ZNF616: variants seen among roughly 807,000 people sequenced by gnomAD.
The protein encoded by ZNF616 is zinc finger protein 616.
ZNF616 carries 5 observed loss-of-function variants against 7.6 expected under a neutral mutation model. That is an observed-to-expected ratio of 0.66 (90% CI 0.34 to 1.38). ZNF616 has a LOEUF of 1.38. ZNF616 is among the 40% of genes most tolerant of loss of function. The pLI, the probability that ZNF616 is intolerant of heterozygous loss-of-function variation, is 0.04. For synonymous variants in ZNF616, 319 were observed against 317.2 expected, an observed-to-expected ratio of 1.01 and a Z score of -0.06; for missense variants, 913 against 948.3, an observed-to-expected ratio of 0.96 and a Z score of 0.49.
At chr19:52,129,106 C>T (rs2088935594) in intron 2 of ZNF616, among the ~76,000 whole-genome samples, 1 of 151,708 alleles carries the variant, frequency 6.6e-6, no homozygotes, top group African/African-American at 2.4e-5. Context: ...AACCCCCCAC[C>T]ATCTCCACTA....
chr19:52,135,651 C>G (rs1215606620), intron 1 of ZNF616, among the ~76,000 whole-genome samples: 1 of 152,158 alleles, frequency 6.6e-6, no homozygotes, highest in South Asian at 2.1e-4. Flanking sequence ...GGACTTGCTC[C>G]TCAATTCAGC....
chr19:52,121,389 A>G (rs10406099), intron 3 of ZNF616, among the ~76,000 whole-genome samples: 1 of 152,016 alleles, frequency 6.6e-6, no homozygotes, highest in Non-Finnish European at 1.5e-5. Flanking sequence ...AGAATATCAA[A>G]AAATATGTGG....
chr19:52,119,738 C>T (rs1180089777), intron 3 of ZNF616, among the ~76,000 whole-genome samples: 3 of 152,120 alleles, frequency 2.0e-5, no homozygotes, highest in Non-Finnish European at 4.4e-5. Context: ...GTGAATTATA[C>T]TATGGGCACA....
intron 1 of ZNF616, among the ~76,000 whole-genome samples, chr19:52,136,145 G>C (rs965809142): frequency 1.2e-5 from 1 of 80,130 alleles, no homozygotes; most frequent in Non-Finnish European, 2.4e-5. Context: ...AAAAAAAAGC[G>C]GGGGGGGGAC....
In ZNF616 at chr19:52,115,080, C is replaced by A. The variant is rs1429178688; in HGVS notation, c.2084G>T (p.Gly695Val). ...GKKPYKCDEC[G>V]KVFRHSSHLV... ...ATGTGAACTATGCCTGAATACCTTGCCACATTCATCACATTTATATGGTTT... is the reference window on the plus strand; with the variant it reads ...ATGTGAACTATGCCTGAATACCTTGACACATTCATCACATTTATATGGTTT... Residue 695 changes from glycine to valine, a missense_variant, in exon 4 of 4, where the codon GGC becomes GTC. By Grantham distance (109) the Gly-to-Val change is moderately radical (BLOSUM62 -3). Transcript: ENST00000600228. 17 of 1,614,014 alleles carry A rather than the reference C, an allele frequency of 1.1e-5. No individual in the cohort carries two copies. Among genetic ancestry groups the A allele is most frequent in the Non-Finnish European group, 1.4e-5 (17 of 1,180,024 alleles).
Position 52,116,467 on chromosome 19 carries a change from C to G in ZNF616, c.697G>C (p.Val233Leu). The change falls in exon 4 of 4, where the codon GTA becomes CTA. Residue 233 changes from valine (V) to leucine (L), a missense_variant. Val to Leu is a conservative substitution (Grantham distance 32). Transcript: ENST00000600228. ...TATGATTTCCCTCTTGTATGGACTA[C>G]CTTGTGTACAGTTAGTAGTGAGGCC... is the stretch of plus-strand genomic sequence containing the variant. Reference protein sequence around the residue: ...HRASLLTVHKVVHTRGKSYQC... With the variant: ...HRASLLTVHKLVHTRGKSYQC... The G allele has an allele frequency of 6.2e-7, 1 of 1,614,054 alleles. No homozygotes were observed. Among genetic ancestry groups the G allele is most frequent in the Non-Finnish European group, 8.5e-7 (1 of 1,180,004 alleles).
rs111280157 is a variant in ZNF616 at position 52,114,532 on chromosome 19, C to T, written c.*286G>A. ...TCATGGTGGAAGGCAAAGCGGGTGT[C>T]GGTATTTCACATGGTGAGAATGAGG... On this transcript the variant is annotated 3_prime_UTR_variant, in exon 4 of 4. Transcript: ENST00000600228. 175 of 291,786 alleles carry T rather than the reference C, an allele frequency of 6.0e-4. No individual in the cohort carries two copies. The highest frequency in any genetic ancestry group is 3.3e-3 in the African/African-American group (150 of 46,080). 18.1% of individuals were successfully genotyped at this position (291,786 alleles called of 1,614,324 possible).
intron 3 of ZNF616, among the ~76,000 whole-genome samples, chr19:52,123,489 G>A (rs899909713): frequency 1.3e-5 from 2 of 152,050 alleles, no homozygotes; most frequent in Admixed American, 6.6e-5. Context: ...GTCTCTACAC[G>A]GGCATGGTGG....
At chr19:52,133,478 G>A (rs937718177) in intron 1 of ZNF616, among the ~76,000 whole-genome samples, 6 of 152,074 alleles carry the variant, frequency 3.9e-5, no homozygotes, top group African/African-American at 1.4e-4. Context: ...ACAGGTAAAC[G>A]GGTCATGGGG....
rs140608196 is a variant in ZNF616 at position 52,128,156 on chromosome 19, C to T, written c.12+2345G>A. ...GTGCAATGGTGTCCTCATACACCAACGACACATATTGGGTGGATTTCCCAC... is the reference window on the plus strand; with the variant it reads ...GTGCAATGGTGTCCTCATACACCAATGACACATATTGGGTGGATTTCCCAC... On this transcript the variant is annotated intron_variant, in intron 2 of 3. Transcript: ENST00000600228. Among the ~76,000 whole-genome samples, 739 of 145,106 alleles carry T rather than the reference C, an allele frequency of 5.1e-3. 8 individuals are homozygous for T. Among genetic ancestry groups the T allele is most frequent in the African/African-American group, 0.018 (710 of 38,718 alleles).
Position 52,115,370 on chromosome 19 carries a change from A to T in ZNF616, c.1794T>A (p.Val598=). Residue 598 remains valine (V), a synonymous_variant, in exon 4 of 4, where the codon GTT becomes GTA. Transcript: ENST00000600228. ...ATTTGTATGGTTTCTCTCCAGTATG[A>T]ACTCTTCGATGCCCTACAAGATGTG... is the stretch of plus-strand genomic sequence containing the variant. ...QYSHLVGHRR[V]HTGEKPYKCH... is the part of the protein sequence containing the mutation. The T allele has an allele frequency of 6.2e-7, 1 of 1,614,112 alleles. No individual in the cohort carries two copies.
chr19:52,129,081 T>G (rs2088935184), intron 2 of ZNF616, among the ~76,000 whole-genome samples: 1 of 151,716 alleles, frequency 6.6e-6, no homozygotes, highest in South Asian at 2.1e-4. Flanking sequence ...GAGACCAGCC[T>G]GGCCAACATG....
intron 3 of ZNF616, among the ~76,000 whole-genome samples, chr19:52,123,641 A>G (rs1358169740): frequency 6.6e-6 from 1 of 152,192 alleles, no homozygotes; most frequent in Non-Finnish European, 1.5e-5. Context: ...TAAACAAACA[A>G]AAAAGCACAT....
chr19:52,116,678 T>C lies in ZNF616; in HGVS notation c.486A>G (p.Glu162=). 6.2e-7 allele frequency: 1 copy of C among 1,614,174 alleles called. No homozygotes were observed. The highest frequency in any genetic ancestry group is 8.5e-7 in the Non-Finnish European group (1 of 1,180,030). The change falls in exon 4 of 4, where the codon GAA becomes GAG. Residue 162 remains glutamate, a synonymous_variant. Transcript: ENST00000600228. ...QKVQTEGRLY[E]CNETEKTGNN... ...TACCTGTCTTCTCCGTTTCATTACA[T>C]TCATAAAGTCTCCCTTCAGTTTGAA...
intron 1 of ZNF616, among the ~76,000 whole-genome samples, chr19:52,135,693 T>A (rs1437561595): frequency 1.4e-5 from 2 of 147,130 alleles, no homozygotes; most frequent in Non-Finnish European, 3.0e-5. Flanking sequence ...TTGGATTGTG[T>A]GGCTCCTTTC....
At position 52,116,756 on chromosome 19, in the gene ZNF616, A is replaced by G. The variant is rs2088828918; in HGVS notation, c.408T>C (p.Ile136=). The G allele has an allele frequency of 1.2e-6, 2 of 1,614,014 alleles. No homozygotes were observed. The highest frequency in any genetic ancestry group is 2.7e-5 in the African/African-American group (2 of 74,908). The change falls in exon 4 of 4, where the codon ATT becomes ATC. Residue 136 remains isoleucine (I), a synonymous_variant. Coordinates refer to ENST00000600228, the MANE Select transcript of ZNF616 (RefSeq NM_178523.5). ...CAAAGTTTGATGTAAGCTGGTTTTC[A>G]ATATGATTGTTTTCTACATCCCCTT... The part of the protein sequence containing the change: ...HSQGDVENNH[I]ENQLTSNFES...
At chr19:52,133,317 T>TAC (rs986581564) in intron 1 of ZNF616, among the ~76,000 whole-genome samples, 3 of 152,178 alleles carry the variant, frequency 2.0e-5, no homozygotes, top group African/African-American at 7.2e-5. Flanking sequence ...TAATGGGCAA[T>TAC]ACCACCATCA....
Position 52,121,182 on chromosome 19 carries a change from G to A in ZNF616, c.139+2741C>T, listed in dbSNP as rs534130331. On this transcript the variant is annotated intron_variant, in intron 3 of 3. Coordinates refer to ENST00000600228, the MANE Select transcript of ZNF616 (RefSeq NM_178523.5). ...CGATTCTCCTGACTCAGCCTCCCGA[G>A]TAGCTGGGACTACAGGCGCACGCCA... 2.2e-4 allele frequency among the ~76,000 whole-genome samples: 34 copies of A among 152,312 alleles called. No homozygotes were observed. The South Asian group carries it at 6.8e-3, about 31-fold the overall frequency.
At chr19:52,137,226 G>A (rs1343794926) in intron 1 of ZNF616, among the ~76,000 whole-genome samples, 4 of 151,524 alleles carry the variant, frequency 2.6e-5, no homozygotes, top group African/African-American at 9.7e-5. Flanking sequence ...AGACCATCCT[G>A]GCTAACACAG....
Sources: allele counts gnomAD v4.1 joint callset (sites outside exome capture counted in the v4.1 genomes callset), GRCh38; gene constraint gnomAD v4.1.1; transcripts MANE v1.5; gene names NCBI Gene and HGNC (gene_info 2026-07-23, HGNC 2026-07-21).